The following RIMS1 variants were observed in gnomAD, a reference collection of about 807,000 sequenced individuals.
RIMS1 encodes regulating synaptic membrane exocytosis 1, also known as regulating synaptic membrane exocytosis protein 1.
In RIMS1, 83 loss-of-function variants were observed where a neutral mutation model predicts 214.1. The ratio of observed to expected loss-of-function variants is 0.39; its 90% confidence interval spans 0.32 to 0.47. The LOEUF (loss-of-function observed/expected upper bound fraction) is 0.47, where lower values mean the gene tolerates loss of function less well. RIMS1 is among the 20% of genes least tolerant of loss of function. The pLI, the probability that RIMS1 is intolerant of heterozygous loss-of-function variation, is 0.99. For synonymous variants in RIMS1, 793 were observed against 786.8 expected (o/e 1.01, Z -0.13); for missense variants, 2,050 against 2,161.8 (o/e 0.95, Z 1.03).
chr6:72,076,545 T>G (rs79571168), intron 2 of RIMS1, among the ~76,000 whole-genome samples: 1 of 151,994 alleles, frequency 6.6e-6, no homozygotes, highest in African/African-American at 2.4e-5. Context: ...CACTGAGGGG[T>G]AGGGTTTTAA....
rs78362357 is a variant in RIMS1 at position 72,147,620 on chromosome 6, T to A, written c.472-31955T>A. Among the ~76,000 whole-genome samples the A allele has an allele frequency of 4.6e-5, 7 of 152,266 alleles. No homozygotes were observed. In the South Asian group the frequency reaches 1.5e-3, roughly 32 times the overall value. ...TTAACAGTGAAGAAAAATAATTCCA[T>A]TGACTGAGAAGAAAAGAATGTTTTT... On this transcript the variant is annotated intron_variant, in intron 4 of 33. Transcript: ENST00000521978.
At chr6:72,278,112 GCA>G (rs1408119706) in intron 23 of RIMS1, among the ~76,000 whole-genome samples, 1 of 151,810 alleles carries the variant, frequency 6.6e-6, no homozygotes, top group East Asian at 1.9e-4. Context: ...ACAAATCACT[GCA>G]GTTACTATCT....
intron 4 of RIMS1, among the ~76,000 whole-genome samples, chr6:72,144,751 T>C (rs943347535): frequency 4.6e-5 from 7 of 152,212 alleles, no homozygotes; most frequent in Non-Finnish European, 1.0e-4. Context: ...TTTATTTCTT[T>C]TGAGCTACAG....
At chr6:72,333,937 C>A (rs1413127358) in intron 29 of RIMS1, 102 bp downstream of exon 29, 1 of 857,974 alleles carries the variant, frequency 1.2e-6, no homozygotes, top group Non-Finnish European at 1.8e-6. Flanking sequence ...ATATTTGGTT[C>A]TTCTTTGAAA....
chr6:72,179,524 T>A, intron 4 of RIMS1, 51 bp from the exon 5 acceptor site: 1 of 1,338,160 alleles, frequency 7.5e-7, no homozygotes, highest in Middle Eastern at 1.8e-4. Flanking sequence ...TACTGAAAAA[T>A]TATTTCCAAG....
intron 6 of RIMS1, among the ~76,000 whole-genome samples, chr6:72,190,158 A>G (rs1192385388): frequency 6.6e-6 from 1 of 152,108 alleles, no homozygotes; most frequent in Non-Finnish European, 1.5e-5. Flanking sequence ...TCCTTCAGGG[A>G]TGTCCTAGAA....
intron 31 of RIMS1, 38 bp from the exon 32 acceptor site, chr6:72,398,211 A>G (rs1357378410): frequency 7.5e-7 from 1 of 1,341,460 alleles, no homozygotes; most frequent in Admixed American, 1.9e-5. Context: ...CATAACTGCA[A>G]AGAAGCTGAA....
rs1168161949 is a variant in RIMS1, at chr6:72,182,940, A to ACTT, written c.1469_1470insCTT (p.Glu490delinsAspLeu). 6.3e-7 allele frequency: 1 copy of ACTT among 1,588,924 alleles called. No individual in the cohort carries two copies. Among genetic ancestry groups the ACTT allele is most frequent in the South Asian group, 1.1e-5 (1 of 87,070 alleles). ...GTCCTCATGCGGAAGGCCAAGCGCG[A>ACTT]GAAGGTGGAGACCATGCTGCGGAAC... On this transcript the variant is annotated protein_altering_variant, in exon 6 of 34. Transcript: ENST00000521978.
At chr6:72,192,915 A>G (rs1042372965) in intron 6 of RIMS1, among the ~76,000 whole-genome samples, 2 of 152,080 alleles carry the variant, frequency 1.3e-5, no homozygotes, top group Non-Finnish European at 2.9e-5. Flanking sequence ...TTCAAATGTT[A>G]ATCTCCTTTG....
chr6:72,329,165 T>A (rs984644776), intron 28 of RIMS1, among the ~76,000 whole-genome samples: 2 of 151,892 alleles, frequency 1.3e-5, no homozygotes, highest in African/African-American at 2.4e-5. Context: ...ATAGAGCCCA[T>A]GAAATGCCCT....
intron 2 of RIMS1, among the ~76,000 whole-genome samples, chr6:71,992,462 C>CTCTT (rs1802034670): frequency 7.1e-6 from 1 of 140,764 alleles, no homozygotes; most frequent in Non-Finnish European, 1.5e-5. Flanking sequence ...CTTTCTCTTT[C>CTCTT]TTTCTCCTTT....
At chr6:72,338,848 GAA>G (rs2096939897) in intron 29 of RIMS1, among the ~76,000 whole-genome samples, 1 of 112,734 alleles carries the variant, frequency 8.9e-6, no homozygotes, top group African/African-American at 3.3e-5. Context: ...ACCAACTTGT[GAA>G]GAGAGAGAGA....
At chr6:72,017,550 T>A (rs929372883) in intron 2 of RIMS1, among the ~76,000 whole-genome samples, 4 of 152,226 alleles carry the variant, frequency 2.6e-5, no homozygotes, top group African/African-American at 7.2e-5. Flanking sequence ...ACACAGTGCA[T>A]CACAATGGTG....
At chr6:72,189,948 G>A (rs887083253) in intron 6 of RIMS1, among the ~76,000 whole-genome samples, 1 of 152,190 alleles carries the variant, frequency 6.6e-6, no homozygotes, top group Non-Finnish European at 1.5e-5. Flanking sequence ...TTCCATCCAC[G>A]TACCTCTTCC....
chr6:72,036,220 C>T (rs1299399711), intron 2 of RIMS1, among the ~76,000 whole-genome samples: 1 of 152,066 alleles, frequency 6.6e-6, no homozygotes, highest in East Asian at 1.9e-4. Context: ...ACTTGTTGTT[C>T]TTTTAAGAGC....
intron 2 of RIMS1, among the ~76,000 whole-genome samples, chr6:72,010,817 T>A (rs564789446): frequency 2.0e-5 from 3 of 151,962 alleles, no homozygotes; most frequent in Non-Finnish European, 4.4e-5. Context: ...CACTGCTCAA[T>A]GAAATAAAAG....
chr6:71,923,112 C>T (rs1247130263), intron 1 of RIMS1, among the ~76,000 whole-genome samples: 1 of 152,170 alleles, frequency 6.6e-6, no homozygotes, highest in Non-Finnish European at 1.5e-5. Context: ...TCCTACTCTT[C>T]CAGATCTCAA....
chr6:72,063,419 A>G (rs1433135502), intron 2 of RIMS1, among the ~76,000 whole-genome samples: 1 of 152,210 alleles, frequency 6.6e-6, no homozygotes, highest in Admixed American at 6.5e-5. Context: ...CAATAAGTGT[A>G]AAAGCAAACA....
intron 2 of RIMS1, among the ~76,000 whole-genome samples, chr6:71,987,666 A>T (rs1800430518): frequency 6.6e-6 from 1 of 152,182 alleles, no homozygotes; most frequent in Non-Finnish European, 1.5e-5. Context: ...TTGATGAGAG[A>T]TACACAATAT....
Sources: allele counts gnomAD v4.1 joint callset (sites outside exome capture counted in the v4.1 genomes callset), GRCh38; gene constraint gnomAD v4.1.1; transcripts MANE v1.5; gene names NCBI Gene and HGNC (gene_info 2026-07-23, HGNC 2026-07-21).